The following SMURF1 variants were observed in gnomAD, a reference collection of about 807,000 sequenced individuals.
SMURF1 encodes E3 ubiquitin-protein ligase SMURF1.
SMURF1 carries 44 observed loss-of-function variants against 98.0 expected under a neutral mutation model. The ratio of observed to expected loss-of-function variants is 0.45; its 90% CI spans 0.35 to 0.58. The LOEUF (loss-of-function observed/expected upper bound fraction) is 0.58, where lower values mean the gene tolerates loss of function less well. Among genes scored for constraint, SMURF1 ranks in the 20% least tolerant of loss-of-function variants. SMURF1 has a pLI of 0.00. For missense variants in SMURF1, 687 were observed against 938.4 expected (o/e 0.73, Z 3.50); for synonymous variants, 396 against 374.9 (o/e 1.06, Z -0.65).
intron 1 of SMURF1, among the ~76,000 whole-genome samples, chr7:99,139,820 C>A (rs1798075351): frequency 6.6e-6 from 1 of 152,160 alleles, no homozygotes; most frequent in Non-Finnish European, 1.5e-5. Context: ...CTCAAATATT[C>A]TTCTACTGTT....
At chr7:99,061,869 A>C in intron 1 of SMURF1, 32 bp from the exon 2 acceptor site, 1 of 1,536,034 alleles carries the variant, frequency 6.5e-7, no homozygotes, top group Non-Finnish European at 8.8e-7. Context: ...TCAGGTTAGC[A>C]TTAAAGACGA....
chr7:99,126,570 G>T (rs1203382466), intron 1 of SMURF1, among the ~76,000 whole-genome samples: 5 of 152,126 alleles, frequency 3.3e-5, no homozygotes, highest in Non-Finnish European at 7.4e-5. Context: ...CAGGAGAATT[G>T]CTTGAACCCA....
chr7:99,137,697 C>T (rs1367135995), intron 1 of SMURF1, among the ~76,000 whole-genome samples: 1 of 152,254 alleles, frequency 6.6e-6, no homozygotes, highest in East Asian at 1.9e-4. Context: ...CTTTCAGCTG[C>T]AGTGGAGGTG....
intron 1 of SMURF1, among the ~76,000 whole-genome samples, chr7:99,099,509 A>G (rs531487589): frequency 1.3e-4 from 20 of 152,236 alleles, no homozygotes; most frequent in African/African-American, 4.1e-4. Flanking sequence ...TAGGGGGGGA[A>G]ATGCCATTAT....
chr7:99,086,063 C>T (rs192685713), intron 1 of SMURF1, among the ~76,000 whole-genome samples: 8 of 152,170 alleles, frequency 5.3e-5, no homozygotes, highest in Non-Finnish European at 1.0e-4. Context: ...TCACTTTCCA[C>T]GGCCAGGCGT....
chr7:99,051,511 T>C, intron 7 of SMURF1, 70 bp from the exon 8 acceptor site: 1 of 1,158,464 alleles, frequency 8.6e-7, no homozygotes, highest in South Asian at 1.2e-5. Flanking sequence ...CAACCCTCGA[T>C]GCCCTCACGT....
intron 1 of SMURF1, among the ~76,000 whole-genome samples, chr7:99,100,274 G>A (rs1265446160): frequency 6.6e-6 from 1 of 152,244 alleles, no homozygotes; most frequent in Non-Finnish European, 1.5e-5. Flanking sequence ...CGCCATTCCG[G>A]CCCTGCCCAA....
intron 1 of SMURF1, among the ~76,000 whole-genome samples, chr7:99,062,329 TATG>T (rs1461050239): frequency 6.6e-6 from 1 of 152,176 alleles, no homozygotes; most frequent in African/African-American, 2.4e-5. Flanking sequence ...TTATACTGCA[TATG>T]ATCACATAAA....
At chr7:99,062,974 C>A (rs1796069525) in intron 1 of SMURF1, among the ~76,000 whole-genome samples, 1 of 151,804 alleles carries the variant, frequency 6.6e-6, no homozygotes, top group Admixed American at 6.6e-5. Flanking sequence ...GACCTGCTTG[C>A]TACACAACGC....
rs116218885 is a variant in SMURF1 at position 99,090,981 on chromosome 7, T to C, written c.56-29144A>G. Reference sequence around the variant, plus strand: ...GCCTGTGTTTGTAAATAAAGTTTTATTGGAACACAGCCACACTAATCAGTT... The same window carrying C: ...GCCTGTGTTTGTAAATAAAGTTTTACTGGAACACAGCCACACTAATCAGTT... On this transcript the variant is annotated intron_variant, in intron 1 of 17. Coordinates refer to ENST00000361368, the MANE Select transcript of SMURF1 (RefSeq NM_181349.3). Among the ~76,000 whole-genome samples the C allele has an allele frequency of 2.3e-3, 344 of 152,310 alleles. 1 individual carries two copies. The highest frequency in any genetic ancestry group is 6.9e-3 in the African/African-American group (287 of 41,574).
At chr7:99,037,841 A>AGG in intron 14 of SMURF1, among the ~76,000 whole-genome samples, 1 of 152,360 alleles carries the variant, frequency 6.6e-6, no homozygotes, top group South Asian at 2.1e-4. Context: ...GCTTGAGGCC[A>AGG]GGGGTTCGAG....
intron 1 of SMURF1, among the ~76,000 whole-genome samples, chr7:99,064,158 T>C (rs530789640): frequency 2.4e-4 from 37 of 152,332 alleles, no homozygotes; most frequent in African/African-American, 8.7e-4. Context: ...TATGTCGCTA[T>C]ATTCAGTTTG....
chr7:99,099,850 T>C (rs1006840488), intron 1 of SMURF1, among the ~76,000 whole-genome samples: 5 of 152,100 alleles, frequency 3.3e-5, no homozygotes, highest in Non-Finnish European at 5.9e-5. Context: ...TCTAAGGCCC[T>C]CCCCAGATGC....
At chr7:99,143,690 G>T in intron 1 of SMURF1, 36 bp downstream of exon 1, 3 of 1,529,818 alleles carry the variant, frequency 2.0e-6, no homozygotes, top group Non-Finnish European at 2.6e-6. Flanking sequence ...GGGCGAGGGG[G>T]CGCCGGGGCG....
intron 1 of SMURF1, among the ~76,000 whole-genome samples, chr7:99,092,210 A>G (rs56736574): frequency 0.13 from 19,265 of 152,206 alleles, 2,593 homozygotes; most frequent in African/African-American, 0.34. Flanking sequence ...GTCTGGCAAT[A>G]CAATGAAAGC....
At chr7:99,060,378 CAA>C (rs11340949) in intron 3 of SMURF1, among the ~76,000 whole-genome samples, 9,637 of 92,680 alleles carry the variant, frequency 0.1, 438 homozygotes, top group Middle Eastern at 0.16. Context: ...GACTCCGTCT[CAA>C]AAAAAAAAAA....
chr7:99,063,267 A>G (rs1165863978), intron 1 of SMURF1, among the ~76,000 whole-genome samples: 3 of 9,086 alleles, frequency 3.3e-4, no homozygotes, highest in Non-Finnish European at 9.3e-4. Context: ...ATATATATAT[A>G]TATATATATA....
At position 99,040,440 on chromosome 7, in the gene SMURF1, G is replaced by A. The variant is rs759153981; in HGVS notation, c.1488C>T (p.Pro496=). The A allele has an allele frequency of 3.8e-6, 6 of 1,594,340 alleles. No individual in the cohort carries two copies. Among genetic ancestry groups the A allele is most frequent in the South Asian group, 1.1e-5 (1 of 87,788 alleles). The change falls in exon 13 of 18, where the codon CCC becomes CCT. Residue 496 remains proline (P), a synonymous_variant. Transcript: ENST00000361368. ...CAGATTCCAGATCTGAGAGCTGGAT[G>A]GGCTTCCCCAGCAGCTGCTTGTAGA... The part of the protein sequence containing the change: ...VPFYKQLLGK[P]IQLSDLESVD...
chr7:99,077,859 T>G (rs1203808521), intron 1 of SMURF1, among the ~76,000 whole-genome samples: 1 of 152,220 alleles, frequency 6.6e-6, no homozygotes, highest in African/African-American at 2.4e-5. Context: ...TACAAAGTTT[T>G]GAAGACTCAG....
Sources: gnomAD v4.1 joint callset for allele counts (sites outside exome capture counted in the v4.1 genomes callset) on GRCh38, gnomAD v4.1.1 for gene constraint, MANE v1.5 for transcripts, NCBI Gene and HGNC (gene_info 2026-07-23, HGNC 2026-07-21) for gene names.